Variants in LEO1 observed in about 807,000 individuals in gnomAD.
The protein encoded by LEO1 is LEO1 component of Paf1/RNA polymerase II complex, also known as RNA polymerase-associated protein LEO1.
LEO1 carries 34 observed loss-of-function variants against 80.4 expected under a neutral mutation model. The observed-to-expected ratio is 0.42, with a 90% CI of 0.32 to 0.56. The LOEUF (loss-of-function observed/expected upper bound fraction) is 0.56. Among genes scored for constraint, LEO1 ranks in the 20% least tolerant of loss-of-function variants. The pLI is 0.10. For missense variants in LEO1, 631 were observed against 814.2 expected, an observed-to-expected ratio of 0.77 and a Z score of 2.74; for synonymous variants, 262 against 274.9, an observed-to-expected ratio of 0.95 and a Z score of 0.46.
At chr15:51,969,179 G>A (rs1447244383) in intron 1 of LEO1, among the ~76,000 whole-genome samples, 5 of 151,722 alleles carry the variant, frequency 3.3e-5, no homozygotes, top group African/African-American at 9.7e-5. Context: ...GGCTGGTCTC[G>A]AACTCCTGAC....
Position 51,939,993 on chromosome 15 carries a change from C to T in LEO1, c.1897-1733G>A, listed in dbSNP as rs151172018. On this transcript the variant is annotated intron_variant, in intron 11 of 11. Transcript: ENST00000299601. The stretch of plus-strand genomic sequence containing the variant: ...AGGACCGGCCGGGCGCGATGGCTCA[C>T]GCCTGTAATCCCAGCACTTTGGGAG... Among the ~76,000 whole-genome samples, 982 of 152,300 alleles carry T rather than the reference C, an allele frequency of 6.4e-3. 16 individuals are homozygous for T. Among genetic ancestry groups the T allele is most frequent in the African/African-American group, 0.023 (948 of 41,574 alleles).
chr15:51,953,336 A>C, intron 7 of LEO1, 73 bp from the exon 8 acceptor site: 2 of 1,535,278 alleles, frequency 1.3e-6, no homozygotes, highest in South Asian at 2.4e-5. Context: ...CTTAAAGGTG[A>C]TTCAGGCTGG....
In LEO1 at chr15:51,964,124, T is replaced by TGGAGGCAGGA. The variant is rs1179853209; in HGVS notation, c.814+1624_814+1625insTCCTGCCTCC. 2.2e-4 allele frequency among the ~76,000 whole-genome samples: 34 copies of TGGAGGCAGGA among 151,236 alleles called. No homozygotes were observed. The South Asian group carries it at 2.5e-3, about 11-fold the overall frequency. ...GGGAGGCTGAGGCAGGAGAATGGCGTGAACCCAGGAGGCGGAGCTTGCAGT... is the reference window on the plus strand; with the variant it reads ...GGGAGGCTGAGGCAGGAGAATGGCGTGGAGGCAGGAGAACCCAGGAGGCGGAGCTTGCAGT... On this transcript the variant is annotated intron_variant, in intron 2 of 11. Transcript: ENST00000299601.
intron 9 of LEO1, among the ~76,000 whole-genome samples, chr15:51,951,169 T>C (rs2056945792): frequency 6.6e-6 from 1 of 151,984 alleles, no homozygotes. Context: ...AACAACGTAA[T>C]CACAAGAGGC....
intron 11 of LEO1, among the ~76,000 whole-genome samples, chr15:51,943,264 A>G (rs2056871056): frequency 6.6e-6 from 1 of 151,854 alleles, no homozygotes; most frequent in Non-Finnish European, 1.5e-5. Flanking sequence ...CTGTAATCCC[A>G]GATACTTGGG....
chr15:51,957,373 A>G (rs2056997741), intron 6 of LEO1, among the ~76,000 whole-genome samples: 1 of 152,216 alleles, frequency 6.6e-6, no homozygotes, highest in South Asian at 2.1e-4. Flanking sequence ...TGCTAAGCCT[A>G]AATCAATACA....
chr15:51,945,309 A>G (rs1487261732), intron 11 of LEO1, among the ~76,000 whole-genome samples: 4 of 143,344 alleles, frequency 2.8e-5, no homozygotes, highest in Admixed American at 2.1e-4. Context: ...GCCCTAGGTG[A>G]CCTGGCCCTA....
chr15:51,959,824 A>G (rs1331918624), intron 5 of LEO1, 75 bp downstream of exon 5: 2 of 1,343,792 alleles, frequency 1.5e-6, no homozygotes, highest in South Asian at 1.7e-5. Flanking sequence ...TGTCAACTCA[A>G]TGCGAAATAA....
intron 9 of LEO1, among the ~76,000 whole-genome samples, chr15:51,950,919 A>G (rs558205552): frequency 1.4e-4 from 21 of 152,284 alleles, no homozygotes; most frequent in Admixed American, 5.2e-4. Flanking sequence ...CAGTTCCCTT[A>G]GTCTGTACAG....
At position 51,966,258 on chromosome 15, in the gene LEO1, G is replaced by C; in HGVS notation, c.305C>G (p.Ser102Ter). The part of the protein sequence containing the change: ...ERSDHEDNDP[S>*]DVDQHSGSEA... The stretch of plus-strand genomic sequence containing the variant: ...TGATCCACTGTGCTGATCTACATCT[G>C]AGGGGTCATTGTCCTCATGGTCAGA... Residue 102 changes from serine to a stop codon, truncating the protein, a stop_gained, in exon 2 of 12, where the codon TCA (serine) becomes TGA (stop). Coordinates refer to ENST00000299601, the MANE Select transcript of LEO1 (RefSeq NM_138792.4). LOFTEE classifies it high-confidence loss of function. The C allele has an allele frequency of 6.2e-7, 1 of 1,613,972 alleles. No individual in the cohort carries two copies. The highest frequency in any genetic ancestry group is 8.5e-7 in the Non-Finnish European group (1 of 1,180,012).
chr15:51,963,442 C>T (rs1182025866), intron 2 of LEO1, among the ~76,000 whole-genome samples: 1 of 152,060 alleles, frequency 6.6e-6, no homozygotes, highest in Non-Finnish European at 1.5e-5. Context: ...CAATTATTTA[C>T]GTAAAAATGT....
chr15:51,950,415 C>G (rs1403624133), intron 9 of LEO1, among the ~76,000 whole-genome samples: 1 of 152,172 alleles, frequency 6.6e-6, no homozygotes, highest in East Asian at 1.9e-4. Flanking sequence ...CCAGCTCTAC[C>G]AAACTCCCAT....
chr15:51,940,065 C>T (rs1384400456), intron 11 of LEO1, among the ~76,000 whole-genome samples: 1 of 151,444 alleles, frequency 6.6e-6, no homozygotes, highest in Admixed American at 6.6e-5. Context: ...ACCAGCCTGA[C>T]CAAGACAGTG....
At chr15:51,959,824 A>T (rs1331918624) in intron 5 of LEO1, 75 bp downstream of exon 5, 2 of 1,343,910 alleles carry the variant, frequency 1.5e-6, no homozygotes, top group South Asian at 3.4e-5. Flanking sequence ...TGTCAACTCA[A>T]TGCGAAATAA....
intron 2 of LEO1, among the ~76,000 whole-genome samples, chr15:51,964,322 T>C (rs2057057642): frequency 6.6e-6 from 1 of 152,008 alleles, no homozygotes; most frequent in Non-Finnish European, 1.5e-5. Context: ...ACACCGCATG[T>C]TCTCACTCAT....
intron 11 of LEO1, chr15:51,946,884 A>T (rs568934312): frequency 1.8e-5 from 3 of 163,614 alleles, no homozygotes; most frequent in African/African-American, 7.2e-5. Flanking sequence ...AATACTGAGA[A>T]GTTTTACAAA....
In LEO1 at chr15:51,949,994, T is replaced by C; in HGVS notation, c.1612A>G (p.Lys538Glu). 6.2e-7 allele frequency: 1 copy of C among 1,608,998 alleles called. No individual in the cohort carries two copies. Among genetic ancestry groups the C allele is most frequent in the Non-Finnish European group, 8.5e-7 (1 of 1,178,496 alleles). The change falls in exon 10 of 12, where the codon AAA becomes GAA. Residue 538 changes from lysine (K) to glutamate (E), a missense_variant and splice_region_variant. By Grantham distance (56) the Lys-to-Glu change is moderately conservative. This residue lies in a region of LEO1 where 117 missense variants were observed against 163.5 expected (regional missense o/e 0.72). Coordinates refer to ENST00000299601, the MANE Select transcript of LEO1 (RefSeq NM_138792.4). ...PECQRTEMIK[K>E]EEERLRASIR... The stretch of plus-strand genomic sequence containing the variant: ...GAAGCCCTCAAACGTTCTTCTTCTT[T>C]CTGTAAAGAAGCAAATAACCTCTTT...
At chr15:51,950,843 G>A (rs2056943396) in intron 9 of LEO1, among the ~76,000 whole-genome samples, 1 of 152,138 alleles carries the variant, frequency 6.6e-6, no homozygotes, top group African/African-American at 2.4e-5. Flanking sequence ...GGAGGGTGTG[G>A]GGAGATGCTC....
At chr15:51,959,337 C>T (rs1445446246) in intron 5 of LEO1, among the ~76,000 whole-genome samples, 2 of 152,144 alleles carry the variant, frequency 1.3e-5, no homozygotes, top group Non-Finnish European at 2.9e-5. Context: ...GTTGTTAATA[C>T]ATATTGCTTG....
Sources: allele counts gnomAD v4.1 joint callset (sites outside exome capture counted in the v4.1 genomes callset), GRCh38; gene constraint gnomAD v4.1.1; regional missense constraint gnomAD v4.1.1; transcripts MANE v1.5; gene names NCBI Gene and HGNC (gene_info 2026-07-23, HGNC 2026-07-21).